Variants in PSG9 observed in about 807,000 individuals in gnomAD.
The protein encoded by PSG9 is pregnancy specific beta-1-glycoprotein 9.
In PSG9, 49 loss-of-function variants were observed where a neutral mutation model predicts 41.9. The observed-to-expected ratio is 1.17, with a 90% CI of 0.93 to 1.48. The LOEUF is 1.48. Among genes scored for constraint, PSG9 ranks in the 40% most tolerant of loss-of-function variants. The probability of loss-of-function intolerance (pLI) is 0.00; values close to 1 mark genes in which losing one functional copy is unlikely to be tolerated. For synonymous variants in PSG9, 263 were observed against 196.8 expected (o/e 1.34, Z -2.82); for missense variants, 641 against 520.3 (o/e 1.23, Z -2.26).
rs1046267774 is a variant in PSG9 at position 43,263,230 on chromosome 19, G to A, written c.431-1092C>T. ...GTTGTTCCGTGGGTGTGCAGTTCCA[G>A]TTATGCAGGATGAGGAGGTTCTAGA... On this transcript the variant is annotated intron_variant, in intron 2 of 5. Coordinates refer to ENST00000270077, the MANE Select transcript of PSG9 (RefSeq NM_002784.5). Among the ~76,000 whole-genome samples the A allele has an allele frequency of 4.6e-5, 7 of 152,142 alleles. 1 individual carries two copies. The highest frequency in any genetic ancestry group is 7.3e-5 in the Non-Finnish European group (5 of 68,034).
rs573130872 is a variant in PSG9, at chr19:43,259,198, T to C, written c.710-63A>G. 134 of 1,558,178 alleles carry C rather than the reference T, an allele frequency of 8.6e-5. 10 individuals are homozygous for C. In the South Asian group the frequency reaches 1.2e-3, roughly 14 times the overall value. ...ACCTTTGATTCCTCCACAGGCATAC[T>C]TCAATCAGAGTTGGCATCTCCCACC... On this transcript the variant is annotated intron_variant, in intron 3 of 5. Coordinates refer to ENST00000270077, the MANE Select transcript of PSG9 (RefSeq NM_002784.5).
chr19:43,260,185 TG>T (rs1400121248), intron 3 of PSG9: 1 of 146,548 alleles, frequency 6.8e-6, no homozygotes, highest in Non-Finnish European at 1.5e-5. Flanking sequence ...GAGCTGGGAG[TG>T]GGGAGAATCA....
Position 43,264,489 on chromosome 19 carries a change from GCT to G in PSG9, c.431-2353_431-2352del, listed in dbSNP as rs1280084722. Among the ~76,000 whole-genome samples the G allele has an allele frequency of 4.6e-5, 7 of 151,608 alleles. No individual in the cohort carries two copies. In the South Asian group the frequency reaches 6.3e-4, roughly 14 times the overall value. ...TTTTTTTTTTCTGAGACAGAGTCTC[GCT>G]CTGTCACCCTGACTGGAGTGCAGTG... On this transcript the variant is annotated intron_variant, in intron 2 of 5. Transcript: ENST00000270077.
intron 5 of PSG9, among the ~76,000 whole-genome samples, chr19:43,256,562 C>G (rs943724221): frequency 6.1e-5 from 9 of 146,502 alleles, no homozygotes; most frequent in Non-Finnish European, 1.2e-4. Flanking sequence ...GGGAGATATA[C>G]AAATATCCAA....
Position 43,253,598 on chromosome 19 carries a change from A to G in PSG9, c.*11T>C. On this transcript the variant is annotated 3_prime_UTR_variant, in exon 6 of 6. Coordinates refer to ENST00000270077, the MANE Select transcript of PSG9 (RefSeq NM_002784.5). ...AGCCTGTTCTTTTTCTCAGTGTCTC[A>G]GTTGTTGCAGTCATGACTGAGACTC... 2.5e-6 allele frequency: 2 copies of G among 795,638 alleles called. No homozygotes were observed. Among genetic ancestry groups the G allele is most frequent in the South Asian group, 1.4e-5 (1 of 69,430 alleles). 49.3% of individuals were successfully genotyped at this position (795,638 alleles called of 1,614,324 possible).
chr19:43,261,098 A>G (rs539881813), intron 3 of PSG9, among the ~76,000 whole-genome samples: 1 of 152,064 alleles, frequency 6.6e-6, no homozygotes, highest in African/African-American at 2.4e-5. Flanking sequence ...TTCCCTATCC[A>G]GGGTTTTTTA....
Position 43,261,854 on chromosome 19 carries a change from A to T in PSG9, c.709+6T>A, listed in dbSNP as rs1313103414. On this transcript the variant is annotated splice_donor_region_variant and intron_variant, in intron 3 of 5. Coordinates refer to ENST00000270077, the MANE Select transcript of PSG9 (RefSeq NM_002784.5). ...CCTGGCTCACAGAGGAACAGAAGATACTCACGGAGGAGATTCAGGGTGACT... is the reference window on the plus strand; with the variant it reads ...CCTGGCTCACAGAGGAACAGAAGATTCTCACGGAGGAGATTCAGGGTGACT... 1 of 1,613,938 alleles carries T rather than the reference A, an allele frequency of 6.2e-7. No homozygotes were observed. The highest frequency in any genetic ancestry group is 1.3e-5 in the African/African-American group (1 of 75,010).
chr19:43,266,403 G>T (rs1372700404), intron 2 of PSG9, among the ~76,000 whole-genome samples: 5 of 151,438 alleles, frequency 3.3e-5, no homozygotes, highest in South Asian at 4.2e-4. Context: ...CTTCATTCAA[G>T]TTCTTCATTC....
rs1431243261 is a variant in PSG9 at position 43,263,005 on chromosome 19, G to A, written c.431-867C>T. 2.0e-5 allele frequency among the ~76,000 whole-genome samples: 3 copies of A among 152,216 alleles called. No individual in the cohort carries two copies. The South Asian group carries it at 6.2e-4, about 31-fold the overall frequency. On this transcript the variant is annotated intron_variant, in intron 2 of 5. Coordinates refer to ENST00000270077, the MANE Select transcript of PSG9 (RefSeq NM_002784.5). Reference sequence around the variant, plus strand: ...GGGTGAACATGAACAGATGATGGAAGTCTGGCCCTCAAGGACCATATGCGT... The same window carrying A: ...GGGTGAACATGAACAGATGATGGAAATCTGGCCCTCAAGGACCATATGCGT...
intron 5 of PSG9, among the ~76,000 whole-genome samples, chr19:43,256,170 T>G (rs1019836620): frequency 1.4e-5 from 2 of 146,482 alleles, no homozygotes; most frequent in African/African-American, 5.2e-5. Flanking sequence ...GCAAGAAGAT[T>G]GGAACCTTTA....
At chr19:43,262,395 A>G (rs1210171472) in intron 2 of PSG9, among the ~76,000 whole-genome samples, 1 of 152,162 alleles carries the variant, frequency 6.6e-6, no homozygotes, top group Non-Finnish European at 1.5e-5. Flanking sequence ...GGAAAGACAC[A>G]GGACCAGCAG....
chr19:43,258,031 A>G, intron 5 of PSG9, 171 bp downstream of exon 5: 1 of 1,554,658 alleles, frequency 6.4e-7, no homozygotes, highest in Non-Finnish European at 8.6e-7. Context: ...CAGAAAAACA[A>G]GGAGAAGAGA....
rs542481522 is a variant in PSG9, at chr19:43,261,407, C to G, written c.709+453G>C. Among the ~76,000 whole-genome samples the G allele has an allele frequency of 2.0e-5, 3 of 152,228 alleles. No homozygotes were observed. The South Asian group carries it at 6.2e-4, about 32-fold the overall frequency. ...GTGAGGCAGGAGAGATTGGGGAATT[C>G]CCCTGTATGGTAATAGATGTATGAG... On this transcript the variant is annotated intron_variant, in intron 3 of 5. Transcript: ENST00000270077.
Position 43,253,598 on chromosome 19 carries a change from AGT to A in PSG9, c.*9_*10del, listed in dbSNP as rs775700761. ...AGCCTGTTCTTTTTCTCAGTGTCTC[AGT>A]TGTTGCAGTCATGACTGAGACTCTG... On this transcript the variant is annotated 3_prime_UTR_variant, in exon 6 of 6. Transcript: ENST00000270077. 61 of 795,638 alleles carry A rather than the reference AGT, an allele frequency of 7.7e-5. 15 individuals are homozygous for A. Among genetic ancestry groups the A allele is most frequent in the Admixed American group, 3.7e-4 (19 of 50,764 alleles). The allele number at this position is 795,638 out of a possible 1,614,324, so 49.3% of individuals were successfully genotyped here. A position where few individuals can be genotyped will look rare whatever the true frequency, so the allele number is the denominator to read the frequency against.
intron 2 of PSG9, 22 bp downstream of exon 2, chr19:43,267,762 G>T: frequency 6.2e-7 from 1 of 1,612,538 alleles, no homozygotes; most frequent in Non-Finnish European, 8.5e-7. Flanking sequence ...CCAACACCCA[G>T]GGATCATGTG....
At chr19:43,265,575 A>G (rs1280778621) in intron 2 of PSG9, among the ~76,000 whole-genome samples, 4 of 152,128 alleles carry the variant, frequency 2.6e-5, no homozygotes, top group Non-Finnish European at 4.4e-5. Context: ...CCCTGAAACG[A>G]TCCTTGAAAA....
chr19:43,266,342 A>C (rs1166283836), intron 2 of PSG9, among the ~76,000 whole-genome samples: 1 of 151,108 alleles, frequency 6.6e-6, no homozygotes, highest in Non-Finnish European at 1.5e-5. Context: ...AGAACCTCCT[A>C]GGATTCTGCA....
At position 43,258,810 on chromosome 19, in the gene PSG9, G is replaced by T. The variant is rs575057233; in HGVS notation, c.988+47C>A. 265 of 1,569,084 alleles carry T rather than the reference G, an allele frequency of 1.7e-4. 20 individuals carry two copies. Among genetic ancestry groups the T allele is most frequent in the Admixed American group, 5.4e-4 (31 of 57,624 alleles). Reference sequence around the variant, plus strand: ...TGAGAGGCCTGGCATCTGGTCGTTTGGACTTAAGCTGGTGTCCTGGCCCAC... The same window carrying T: ...TGAGAGGCCTGGCATCTGGTCGTTTTGACTTAAGCTGGTGTCCTGGCCCAC... On this transcript the variant is annotated intron_variant, in intron 4 of 5. Coordinates refer to ENST00000270077, the MANE Select transcript of PSG9 (RefSeq NM_002784.5).
Position 43,259,717 on chromosome 19 carries a change from T to A in PSG9, c.710-582A>T, listed in dbSNP as rs1300246733. 3.3e-5 allele frequency: 5 copies of A among 150,922 alleles called. 1 individual carries two copies. The highest frequency in any genetic ancestry group is 2.0e-4 in the South Asian group (1 of 4,986). 9.3% of individuals were successfully genotyped at this position (150,922 alleles called of 1,614,324 possible). A position where few individuals can be genotyped will look rare whatever the true frequency, so the allele number is the denominator to read the frequency against. ...AGTTCAGTCATCAGGCAGTGGAGGCTCAAGGTGGGGCAGTTTTTTGCAGGT... is the reference window on the plus strand; with the variant it reads ...AGTTCAGTCATCAGGCAGTGGAGGCACAAGGTGGGGCAGTTTTTTGCAGGT... On this transcript the variant is annotated intron_variant, in intron 3 of 5. Coordinates refer to ENST00000270077, the MANE Select transcript of PSG9 (RefSeq NM_002784.5).
Sources: allele counts gnomAD v4.1 joint callset (sites outside exome capture counted in the v4.1 genomes callset), GRCh38; gene constraint gnomAD v4.1.1; transcripts MANE v1.5; gene names NCBI Gene and HGNC (gene_info 2026-07-23, HGNC 2026-07-21).